The following OSGEPL1 variants were observed in gnomAD, a reference collection of about 807,000 sequenced individuals.
OSGEPL1 encodes O-sialoglycoprotein endopeptidase like 1, also known as tRNA N6-adenosine threonylcarbamoyltransferase, mitochondrial.
OSGEPL1 carries 26 observed loss-of-function variants against 37.2 expected under a neutral mutation model. The ratio of observed to expected loss-of-function variants is 0.70; its 90% CI spans 0.51 to 0.97. OSGEPL1 has a LOEUF of 0.97. OSGEPL1 is among the 50% of genes least tolerant of loss of function. The pLI is 0.00. For synonymous variants in OSGEPL1, 140 were observed against 159.9 expected, an observed-to-expected ratio of 0.88 and a Z score of 0.94; for missense variants, 404 against 487.0, an observed-to-expected ratio of 0.83 and a Z score of 1.60.
chr2:189,752,720 C>T lies in OSGEPL1; in HGVS notation c.1099G>A (p.Gly367Ser), dbSNP rs2045469388. ...TDNGIMIAWN[G>S]IERLRAGLGI... ...AAGCCAGCACGTAGTCTTTCAATAC[C>T]ATTCCTAAATAAGAAGCATTAAAAT... The change falls in exon 7 of 9, where the codon GGT (glycine) becomes AGT (serine). Residue 367 changes from glycine (G) to serine (S), a missense_variant. Gly to Ser is a moderately conservative substitution (Grantham distance 56). Transcript: ENST00000264151. The T allele has an allele frequency of 6.2e-7, 1 of 1,613,852 alleles. No individual in the cohort carries two copies. The highest frequency in any genetic ancestry group is 8.5e-7 in the Non-Finnish European group (1 of 1,179,866).
In OSGEPL1 at chr2:189,752,714, C is replaced by G. The variant is rs767725539; in HGVS notation, c.1105G>C (p.Glu369Gln). The G allele has an allele frequency of 3.1e-6, 5 of 1,613,736 alleles. No individual in the cohort carries two copies. Among genetic ancestry groups the G allele is most frequent in the Admixed American group, 1.7e-5 (1 of 59,998 alleles). ...NGIMIAWNGI[E>Q]RLRAGLGILH... ...ATGCCCAAGCCAGCACGTAGTCTTT[C>G]AATACCATTCCTAAATAAGAAGCAT... Residue 369 changes from glutamate (E) to glutamine (Q), a missense_variant, in exon 7 of 9, where the codon GAA (glutamate) becomes CAA (glutamine). Transcript: ENST00000264151.
chr2:189,750,635 T>A lies in OSGEPL1; in HGVS notation c.1188A>T (p.Ile396=). 6.3e-7 allele frequency: 1 copy of A among 1,589,504 alleles called. No homozygotes were observed. Among genetic ancestry groups the A allele is most frequent in the Non-Finnish European group, 8.6e-7 (1 of 1,167,658 alleles). The change falls in exon 8 of 9, where the codon ATA becomes ATT. Residue 396 remains isoleucine (I), a synonymous_variant. Coordinates refer to ENST00000264151, the MANE Select transcript of OSGEPL1 (RefSeq NM_022353.3). ...YEPKCPLGVD[I]SKEVGEASIK... ...TGGAAGCTTCTCCAACTTCTTTTGA[T>A]ATGTCTACTCCAAGAGGACATCTAC...
At chr2:189,750,525 AACTT>A in intron 8 of OSGEPL1, 21 bp downstream of exon 8, 5 of 907,062 alleles carry the variant, frequency 5.5e-6, no homozygotes, top group Non-Finnish European at 6.9e-6. Context: ...AAACAATAAA[AACTT>A]AATTTTAACC....
upstream of OSGEPL1, chr2:189,762,878 C>G: frequency 3.0e-6 from 3 of 985,422 alleles, no homozygotes; most frequent in Non-Finnish European, 3.6e-6. Context: ...AGCTTAAAGG[C>G]CGTCTTTGCC....
intron 8 of OSGEPL1, among the ~76,000 whole-genome samples, chr2:189,749,624 T>C (rs1329320565): frequency 2.6e-5 from 4 of 152,026 alleles, no homozygotes; most frequent in Admixed American, 2.0e-4. Context: ...TGTGAAAGTA[T>C]GTGGACAACT....
At chr2:189,754,636 A>G (rs2045804652) in intron 3 of OSGEPL1, 3 of 354,024 alleles carry the variant, frequency 8.5e-6, no homozygotes, top group South Asian at 4.6e-5. Context: ...ATGAACGTCA[A>G]TAATAAGAAC....
upstream of OSGEPL1, chr2:189,763,064 G>T: frequency 1.0e-6 from 1 of 984,838 alleles, no homozygotes; most frequent in South Asian, 4.7e-5. Context: ...TTTTGCCCTT[G>T]GCTGGAATTT....
At chr2:189,754,502 G>C in intron 3 of OSGEPL1, 157 bp from the exon 4 acceptor site, 8 of 663,974 alleles carry the variant, frequency 1.2e-5, no homozygotes, top group Non-Finnish European at 1.7e-5. Context: ...CTGATATTCA[G>C]GTAAGCAGAC....
intron 7 of OSGEPL1, among the ~76,000 whole-genome samples, chr2:189,751,390 T>C (rs898455772): frequency 6.6e-6 from 1 of 151,744 alleles, no homozygotes; most frequent in Non-Finnish European, 1.5e-5. Context: ...AGCATACATG[T>C]AATTCATATA....
rs756802115 is a variant in OSGEPL1, at chr2:189,752,909, T to G, written c.1034A>C (p.Gln345Pro). Residue 345 changes from glutamine (Q) to proline (P), a missense_variant, in exon 6 of 9, where the codon CAG becomes CCG. By Grantham distance (76) the Gln-to-Pro change is moderately conservative. Transcript: ENST00000264151. ...GGGAGGAGGACACAACAAAGTGCAC[T>G]GTGTTGCATTTGTTAAAATTTCCAG... ...RALEILTNAT[Q>P]CTLLCPPPRL... 6.2e-7 allele frequency: 1 copy of G among 1,613,550 alleles called. No individual in the cohort carries two copies. Among genetic ancestry groups the G allele is most frequent in the African/African-American group, 1.3e-5 (1 of 74,916 alleles).
chr2:189,747,217 T>TA (rs2044262558), intron 8 of OSGEPL1, 49 bp from the exon 9 acceptor site: 2 of 152,162 alleles, frequency 1.3e-5, no homozygotes, highest in East Asian at 3.9e-4. Context: ...TGCACACCTG[T>TA]AGTCCCGGCT....
chr2:189,753,950 T>C lies in OSGEPL1; in HGVS notation c.929A>G (p.Gln310Arg), dbSNP rs2045677091. Residue 310 changes from glutamine (Q) to arginine (R), a missense_variant, in exon 5 of 9, where the codon CAG (glutamine) becomes CGG (arginine). Coordinates refer to ENST00000264151, the MANE Select transcript of OSGEPL1 (RefSeq NM_022353.3). Reference sequence around the variant, plus strand: ...ATTATTTTGAGGTAACAAGTCTCTCTGCTTACAAAACAGAATAGCCCGATG... The same window carrying C: ...ATTATTTTGAGGTAACAAGTCTCTCCGCTTACAAAACAGAATAGCCCGATG... ...RTHRAILFCK[Q>R]RDLLPQNNAV... The C allele has an allele frequency of 6.2e-7, 1 of 1,613,688 alleles. No individual in the cohort carries two copies. Among genetic ancestry groups the C allele is most frequent in the African/African-American group, 1.3e-5 (1 of 74,944 alleles).
intron 5 of OSGEPL1, chr2:189,753,239 C>T (rs1484105507): frequency 4.3e-6 from 1 of 230,186 alleles, no homozygotes; most frequent in Non-Finnish European, 8.4e-6. Flanking sequence ...AATATAATTT[C>T]AATCATAGTA....
intron 2 of OSGEPL1, among the ~76,000 whole-genome samples, chr2:189,755,876 T>A (rs2045995572): frequency 6.6e-6 from 1 of 152,104 alleles, no homozygotes; most frequent in Non-Finnish European, 1.5e-5. Context: ...CAGGAAAAAA[T>A]TGTATTTAAG....
chr2:189,756,558 T>G (rs115614782), intron 2 of OSGEPL1, among the ~76,000 whole-genome samples: 1 of 152,208 alleles, frequency 6.6e-6, no homozygotes, highest in Non-Finnish European at 1.5e-5. Flanking sequence ...AATGAAATGA[T>G]CTGATTTCAA....
intron 2 of OSGEPL1, among the ~76,000 whole-genome samples, chr2:189,755,836 A>T (rs2045989018): frequency 6.6e-6 from 1 of 152,210 alleles, no homozygotes; most frequent in African/African-American, 2.4e-5. Flanking sequence ...CTTGTAAAGC[A>T]TTCCATACAA....
At position 189,751,633 on chromosome 2, in the gene OSGEPL1, C is replaced by T. The variant is rs555996628; in HGVS notation, c.1167-977G>A. 6.0e-5 allele frequency among the ~76,000 whole-genome samples: 9 copies of T among 150,916 alleles called. 1 individual carries two copies. In the South Asian group the frequency reaches 1.1e-3, roughly 18 times the overall value. ...CTAATTTTTGTATTTTCAGTAGAGA[C>T]GGGGTTTCACCATGTTGGCCAGGCT... On this transcript the variant is annotated intron_variant, in intron 7 of 8. Transcript: ENST00000264151.
At chr2:189,762,971 A>G (rs752545394), upstream of OSGEPL1, 53 of 985,236 alleles carry the variant, frequency 5.4e-5, no homozygotes, top group Non-Finnish European at 6.3e-5. Flanking sequence ...CTAGTGACTG[A>G]TCCAGCGGAG....
intron 2 of OSGEPL1, among the ~76,000 whole-genome samples, chr2:189,759,316 T>C (rs2046614655): frequency 6.6e-6 from 1 of 152,050 alleles, no homozygotes; most frequent in African/African-American, 2.4e-5. Context: ...TGGCGCGATC[T>C]CTGCTCACTG....
Sources: allele counts gnomAD v4.1 joint callset (sites outside exome capture counted in the v4.1 genomes callset), GRCh38; gene constraint gnomAD v4.1.1; transcripts MANE v1.5; gene names NCBI Gene and HGNC (gene_info 2026-07-23, HGNC 2026-07-21).